Variants in XXYLT1 observed in about 807,000 individuals in gnomAD.
XXYLT1 encodes UDP-xylose:alpha-xyloside alpha-1,3-xylosyltransferase.
Under a neutral mutation model 28.9 loss-of-function variants are expected in XXYLT1, and 20 were observed. The ratio of observed to expected loss-of-function variants is 0.69; its 90% CI spans 0.49 to 1.00. XXYLT1 has a LOEUF of 1.00. Among genes scored for constraint, XXYLT1 ranks in the 50% least tolerant of loss-of-function variants. The pLI is 0.00. For synonymous variants in XXYLT1, 257 were observed against 253.8 expected (o/e 1.01, Z -0.12); for missense variants, 542 against 560.1 (o/e 0.97, Z 0.33).
At chr3:195,126,523 T>C (rs7632126) in intron 3 of XXYLT1, among the ~76,000 whole-genome samples, 23,672 of 152,192 alleles carry the variant, frequency 0.16, 2,315 homozygotes, top group East Asian at 0.28. Flanking sequence ...AAGGAGCCCA[T>C]GGATTTGGCC....
rs931159984 is a variant in XXYLT1 at position 195,176,661 on chromosome 3, A to T, written c.653-20080T>A. ...GTTGATGAGGCTGGAGAGCTGGAGG[A>T]AGCAAGACAGTAATCTGTATCCCAC... is the stretch of plus-strand genomic sequence containing the variant. On this transcript the variant is annotated intron_variant, in intron 2 of 3. Transcript: ENST00000310380. This position sits in a 1 kb window ranked among gnomAD's most constrained non-coding sequence, Gnocchi z 4.9. Among the ~76,000 whole-genome samples the T allele has an allele frequency of 6.6e-6, 1 of 152,152 alleles. No homozygotes were observed. The highest frequency in any genetic ancestry group is 1.5e-5 in the Non-Finnish European group (1 of 68,034).
intron 2 of XXYLT1, among the ~76,000 whole-genome samples, chr3:195,160,460 A>C (rs1720815362): frequency 6.6e-6 from 1 of 152,248 alleles, no homozygotes. Flanking sequence ...TGATGACAGC[A>C]TTAAGCTATG....
chr3:195,112,082 T>C (rs1560102300), intron 3 of XXYLT1, among the ~76,000 whole-genome samples: 1 of 152,154 alleles, frequency 6.6e-6, no homozygotes, highest in African/African-American at 2.4e-5. Flanking sequence ...CATTGGTATA[T>C]ACCAAATCAG....
Position 195,121,327 on chromosome 3 carries a change from C to T in XXYLT1, c.785+35122G>A, listed in dbSNP as rs561996435. On this transcript the variant is annotated intron_variant, in intron 3 of 3. Transcript: ENST00000310380. Reference sequence around the variant, plus strand: ...CAAAGGACAAGATGGTGATGAGAGACGGGGTTCCCTCTTGTACAGAAAGCC... The same window carrying T: ...CAAAGGACAAGATGGTGATGAGAGATGGGGTTCCCTCTTGTACAGAAAGCC... Among the ~76,000 whole-genome samples, 12 of 152,306 alleles carry T rather than the reference C, an allele frequency of 7.9e-5. No homozygotes were observed. In the East Asian group the frequency reaches 1.2e-3, roughly 15 times the overall value.
rs773200691 is a variant in XXYLT1, at chr3:195,168,627, G to A, written c.653-12046C>T. ...GAAGGAGAACCAGAGACTGGGAGGT[G>A]CTGGGACCTGCCTTACTACTGACAG... On this transcript the variant is annotated intron_variant, in intron 2 of 3. Transcript: ENST00000310380. The surrounding 1 kb of genome is among the most constrained non-coding windows in gnomAD (Gnocchi z 4.3). Among the ~76,000 whole-genome samples, 2 of 152,196 alleles carry A rather than the reference G, an allele frequency of 1.3e-5. No homozygotes were observed. The highest frequency in any genetic ancestry group is 2.9e-5 in the Non-Finnish European group (2 of 68,036).
chr3:195,248,919 CAAA>C (rs1405914795), intron 1 of XXYLT1, among the ~76,000 whole-genome samples: 2 of 152,040 alleles, frequency 1.3e-5, no homozygotes, highest in South Asian at 2.1e-4. Flanking sequence ...GACTCTGTCT[CAAA>C]AAACAAACTC....
At chr3:195,241,025 A>G (rs981163485) in intron 1 of XXYLT1, among the ~76,000 whole-genome samples, 1 of 152,224 alleles carries the variant, frequency 6.6e-6, no homozygotes, top group Non-Finnish European at 1.5e-5. Context: ...GTCACTAAGT[A>G]AAGACATCTG....
Position 195,180,040 on chromosome 3 carries a change from G to A in XXYLT1, c.653-23459C>T, listed in dbSNP as rs1721872579. On this transcript the variant is annotated intron_variant, in intron 2 of 3. Transcript: ENST00000310380. The surrounding 1 kb of genome is among the most constrained non-coding windows in gnomAD (Gnocchi z 5.8). Reference sequence around the variant, plus strand: ...GGCAGAGTCGGGCCAGGGTGCGGCTGAGTGACGGAGCGCCTGGTGAGGGAC... The same window carrying A: ...GGCAGAGTCGGGCCAGGGTGCGGCTAAGTGACGGAGCGCCTGGTGAGGGAC... Among the ~76,000 whole-genome samples the A allele has an allele frequency of 3.3e-5, 5 of 152,166 alleles. No homozygotes were observed. The South Asian group carries it at 8.3e-4, about 25-fold the overall frequency.
At chr3:195,081,107 GGCA>G (rs1216731853) in intron 3 of XXYLT1, among the ~76,000 whole-genome samples, 1 of 152,198 alleles carries the variant, frequency 6.6e-6, no homozygotes, top group Non-Finnish European at 1.5e-5. Context: ...TGCTGAGGTG[GGCA>G]GCCCTTCTCA....
intron 3 of XXYLT1, among the ~76,000 whole-genome samples, chr3:195,136,540 C>A (rs762457550): frequency 6.6e-6 from 1 of 152,158 alleles, no homozygotes; most frequent in Non-Finnish European, 1.5e-5. Flanking sequence ...CCCGGGTGAA[C>A]GCAACTTACC....
chr3:195,167,318 C>T (rs1475188825), intron 2 of XXYLT1, among the ~76,000 whole-genome samples: 1 of 152,150 alleles, frequency 6.6e-6, no homozygotes, highest in African/African-American at 2.4e-5. Flanking sequence ...GAGCCGGGCG[C>T]GGTGACTCAT....
rs1179417828 is a variant in XXYLT1, at chr3:195,256,222, TC to T, written c.504+14332del. ...GAGCAAGCTCATCTGTGCAGCCTCTTCCTAGGGGAGACTAGCTACCCCTCAC... is the reference window on the plus strand; with the variant it reads ...GAGCAAGCTCATCTGTGCAGCCTCTTCTAGGGGAGACTAGCTACCCCTCAC... On this transcript the variant is annotated intron_variant, in intron 1 of 3. Transcript: ENST00000310380. The surrounding 1 kb of genome is among the most constrained non-coding windows in gnomAD (Gnocchi z 4.2). Among the ~76,000 whole-genome samples the T allele has an allele frequency of 6.6e-6, 1 of 152,152 alleles. No homozygotes were observed. Among genetic ancestry groups the T allele is most frequent in the Non-Finnish European group, 1.5e-5 (1 of 68,010 alleles).
chr3:195,263,464 G>A (rs1239347001), intron 1 of XXYLT1, among the ~76,000 whole-genome samples: 1 of 152,164 alleles, frequency 6.6e-6, no homozygotes, highest in Non-Finnish European at 1.5e-5. Context: ...TCTCTTGGGA[G>A]GGAGCGAGTT....
At chr3:195,246,880 C>G (rs1414636836) in intron 1 of XXYLT1, among the ~76,000 whole-genome samples, 1 of 152,264 alleles carries the variant, frequency 6.6e-6, no homozygotes, top group African/African-American at 2.4e-5. Flanking sequence ...TCCCAGACTC[C>G]CGGCGCCACT....
At chr3:195,100,887 TA>T (rs1161974561) in intron 3 of XXYLT1, among the ~76,000 whole-genome samples, 2 of 152,268 alleles carry the variant, frequency 1.3e-5, no homozygotes, top group East Asian at 3.8e-4. Flanking sequence ...CCCTGCTGCC[TA>T]ACCCTGTGCC....
chr3:195,081,568 G>C (rs1367124871), intron 3 of XXYLT1, among the ~76,000 whole-genome samples: 2 of 152,160 alleles, frequency 1.3e-5, no homozygotes, highest in African/African-American at 2.4e-5. Flanking sequence ...ATAGGTTCTG[G>C]GGGCAGACAG....
intron 3 of XXYLT1, among the ~76,000 whole-genome samples, chr3:195,120,043 A>G (rs1038310240): frequency 3.9e-5 from 6 of 152,226 alleles, no homozygotes; most frequent in African/African-American, 1.2e-4. Flanking sequence ...CTCTAGGATC[A>G]GATTCCACTC....
In XXYLT1 at chr3:195,078,192, G is replaced by T. The variant is rs1715229756; in HGVS notation, c.786-8081C>A. On this transcript the variant is annotated intron_variant, in intron 3 of 3. Transcript: ENST00000310380. The surrounding 1 kb of genome is among the most constrained non-coding windows in gnomAD (Gnocchi z 5.0). ...GGTGCCCAGAGAACAGCAATGTGGA[G>T]GAGCCCAGCAGGTGGCTGGAGGTAC... Among the ~76,000 whole-genome samples, 1 of 152,082 alleles carries T rather than the reference G, an allele frequency of 6.6e-6. No individual in the cohort carries two copies. Among genetic ancestry groups the T allele is most frequent in the East Asian group, 1.9e-4 (1 of 5,176 alleles).
At chr3:195,236,284 C>A (rs1056126058) in intron 1 of XXYLT1, among the ~76,000 whole-genome samples, 1 of 152,066 alleles carries the variant, frequency 6.6e-6, no homozygotes, top group Admixed American at 6.5e-5. Flanking sequence ...TATTCTACTG[C>A]GGTTAAGCTG....
Sources: allele counts gnomAD v4.1 joint callset (sites outside exome capture counted in the v4.1 genomes callset), GRCh38; gene constraint gnomAD v4.1.1; non-coding constraint Gnocchi (gnomAD v3.1); transcripts MANE v1.5; gene names NCBI Gene and HGNC (gene_info 2026-07-23, HGNC 2026-07-21).